Variants in ARHGAP21 observed in about 807,000 individuals in gnomAD.
ARHGAP21 encodes Rho GTPase activating protein 21.
A neutral mutation model predicts 164.6 loss-of-function variants in ARHGAP21; 38 were observed. The observed-to-expected ratio is 0.23, with a 90% CI of 0.18 to 0.30. The LOEUF (loss-of-function observed/expected upper bound fraction) is 0.30. Among genes scored for constraint, ARHGAP21 ranks in the 10% least tolerant of loss-of-function variants. ARHGAP21 has a pLI of 1.00. For missense variants in ARHGAP21, 1,822 were observed against 2,370.7 expected, an observed-to-expected ratio of 0.77 and a Z score of 4.81; for synonymous variants, 766 against 857.9, an observed-to-expected ratio of 0.89 and a Z score of 1.87.
rs1834332985 is a variant in ARHGAP21 at position 24,619,505 on chromosome 10, G to A, written c.2390C>T (p.Pro797Leu). The change falls in exon 9 of 26, where the codon CCT (proline) becomes CTT (leucine). Residue 797 changes from proline to leucine, a missense_variant. Physicochemically the swap from Pro to Leu is moderately conservative, Grantham distance 98. Transcript: ENST00000396432. ...EERKASSTSP[P>L]GDSLASIPFI... ...TGGGATGGAAGCCAAAGAATCGCCA[G>A]GCGGACTGGTACTCGAGGCTTTTCT... The A allele has an allele frequency of 3.1e-6, 5 of 1,614,082 alleles. No individual in the cohort carries two copies. The highest frequency in any genetic ancestry group is 1.3e-5 in the African/African-American group (1 of 75,032).
At chr10:24,594,493 GAAAAACTGAAT>G (rs2076488512) in intron 21 of ARHGAP21, among the ~76,000 whole-genome samples, 1 of 152,050 alleles carries the variant, frequency 6.6e-6, no homozygotes, top group Admixed American at 6.6e-5. Flanking sequence ...TTAAAAAAAA[GAAAAACTGAAT>G]GTGAACTGAA....
chr10:24,693,763 C>T (rs73606547), intron 2 of ARHGAP21, among the ~76,000 whole-genome samples: 2,041 of 152,296 alleles, frequency 0.013, 37 homozygotes, highest in African/African-American at 0.047. Flanking sequence ...AAGCTCACTA[C>T]CCAAGCTCTG....
intron 21 of ARHGAP21, among the ~76,000 whole-genome samples, chr10:24,592,964 T>G (rs1227044661): frequency 6.6e-6 from 1 of 152,172 alleles, no homozygotes; most frequent in African/African-American, 2.4e-5. Context: ...GTATAATAAT[T>G]ATCAGATTGT....
rs1354788160 is a variant in ARHGAP21 at position 24,591,537 on chromosome 10, CGCAAAGCGGACAATA to C, written c.4044+90_4044+104del. ...CTGAGCTAGAGACCTGCTTCCGGGGCGCAAAGCGGACAATAGCAAAGCAGGAAGTTGACATTGTTG... is the reference window on the plus strand; with the variant it reads ...CTGAGCTAGAGACCTGCTTCCGGGGCGCAAAGCAGGAAGTTGACATTGTTG... On this transcript the variant is annotated intron_variant, in intron 23 of 25. Transcript: ENST00000396432. 44 of 1,421,988 alleles carry C rather than the reference CGCAAAGCGGACAATA, an allele frequency of 3.1e-5. No homozygotes were observed. The African/African-American group carries it at 3.1e-4, about 10-fold the overall frequency. 88.1% of individuals were successfully genotyped at this position (1,421,988 alleles called of 1,614,324 possible).
chr10:24,652,828 G>GGTACT (rs1162248680), intron 4 of ARHGAP21, among the ~76,000 whole-genome samples: 1 of 152,080 alleles, frequency 6.6e-6, no homozygotes, highest in Non-Finnish European at 1.5e-5. Flanking sequence ...TGTGTAAATG[G>GGTACT]GTACGGTCCC....
intron 24 of ARHGAP21, chr10:24,590,920 A>G: frequency 5.6e-6 from 5 of 894,544 alleles, no homozygotes; most frequent in Non-Finnish European, 6.7e-6. Flanking sequence ...TGTGATGACT[A>G]TTACATGGAA....
At chr10:24,639,206 T>C (rs1445963150) in intron 4 of ARHGAP21, among the ~76,000 whole-genome samples, 1 of 152,164 alleles carries the variant, frequency 6.6e-6, no homozygotes, top group East Asian at 1.9e-4. Flanking sequence ...TTGCAATATT[T>C]GATACATATT....
intron 2 of ARHGAP21, among the ~76,000 whole-genome samples, chr10:24,705,446 G>C (rs1178025617): frequency 6.6e-6 from 1 of 152,158 alleles, no homozygotes; most frequent in East Asian, 1.9e-4. Flanking sequence ...AGTCTATTAT[G>C]CCCAGCCTAA....
intron 4 of ARHGAP21, among the ~76,000 whole-genome samples, chr10:24,660,317 G>A (rs565749860): frequency 2.8e-5 from 4 of 143,822 alleles, no homozygotes; most frequent in African/African-American, 7.8e-5. Context: ...TCATGAATTT[G>A]AGGCTGCAGT....
At chr10:24,628,838 T>C (rs1201917881) in intron 7 of ARHGAP21, among the ~76,000 whole-genome samples, 3 of 142,436 alleles carry the variant, frequency 2.1e-5, no homozygotes, top group East Asian at 4.0e-4. Flanking sequence ...TATATGTACA[T>C]ATATACACAT....
chr10:24,655,265 C>T (rs1375886864), intron 4 of ARHGAP21, among the ~76,000 whole-genome samples: 2 of 152,108 alleles, frequency 1.3e-5, no homozygotes, highest in Non-Finnish European at 2.9e-5. Context: ...GCAAAATTGA[C>T]AAATGGGATC....
chr10:24,591,150 T>C lies in ARHGAP21; in HGVS notation c.4150+75A>G, dbSNP rs377094607. 45 of 1,250,224 alleles carry C rather than the reference T, an allele frequency of 3.6e-5. No individual in the cohort carries two copies. In the African/African-American group the frequency reaches 4.6e-4, roughly 13 times the overall value. 77.4% of individuals were successfully genotyped at this position (1,250,224 alleles called of 1,614,324 possible). A position where few individuals can be genotyped will look rare whatever the true frequency, so the allele number is the denominator to read the frequency against. On this transcript the variant is annotated intron_variant, in intron 24 of 25. Transcript: ENST00000396432. ...AAAAATCATAAGTAACAATTCACTA[T>C]GATTGATTTGCTCTTTCATATTGTA...
intron 2 of ARHGAP21, among the ~76,000 whole-genome samples, chr10:24,705,031 G>T (rs755500303): frequency 4.9e-4 from 74 of 152,198 alleles, no homozygotes; most frequent in Middle Eastern, 3.4e-3. Flanking sequence ...GATATCGCTG[G>T]CTTACTGGAT....
chr10:24,588,916 G>A (rs1202212006), intron 25 of ARHGAP21, among the ~76,000 whole-genome samples: 1 of 152,162 alleles, frequency 6.6e-6, no homozygotes, highest in Non-Finnish European at 1.5e-5. Flanking sequence ...CAGAGCAAAC[G>A]GAGTCGGCCG....
At chr10:24,707,122 C>CA (rs1303316492) in intron 2 of ARHGAP21, among the ~76,000 whole-genome samples, 1 of 152,210 alleles carries the variant, frequency 6.6e-6, no homozygotes, top group Non-Finnish European at 1.5e-5. Flanking sequence ...ACCACAGTTC[C>CA]AGTCTCTTTG....
At chr10:24,607,960 A>G in intron 9 of ARHGAP21, 57 bp from the exon 10 acceptor site, 1 of 1,484,346 alleles carries the variant, frequency 6.7e-7, no homozygotes, top group Non-Finnish European at 9.1e-7. Flanking sequence ...TTAATAATAA[A>G]ACTCAGTCAA....
At chr10:24,603,921 G>A (rs140123257) in intron 12 of ARHGAP21, among the ~76,000 whole-genome samples, 1,910 of 152,136 alleles carry the variant, frequency 0.013, 6 homozygotes, top group Admixed American at 0.024. Flanking sequence ...GCTTGAACCC[G>A]GGAGGTGGAG....
Position 24,630,032 on chromosome 10 carries a change from A to T in ARHGAP21, c.459T>A (p.Leu153=). ...TGTCTTCATCTTTTGGCATAACACT[A>T]AGTTCCAATGTTGTATCACTGAAAT... The part of the protein sequence containing the change: ...LIQNSDTTLE[L]SVMPKDEDIL... Residue 153 remains leucine (L), a synonymous_variant, in exon 7 of 26, where the codon CTT becomes CTA. Transcript: ENST00000396432. The T allele has an allele frequency of 6.4e-7, 1 of 1,563,900 alleles. No homozygotes were observed. Among genetic ancestry groups the T allele is most frequent in the Non-Finnish European group, 8.7e-7 (1 of 1,152,204 alleles).
At chr10:24,622,977 A>C (rs1021802483) in intron 7 of ARHGAP21, 2 of 492,828 alleles carry the variant, frequency 4.1e-6, no homozygotes, top group African/African-American at 3.9e-5. Flanking sequence ...TTCTTGTTTG[A>C]TGTGTCTACC....
Sources: allele counts gnomAD v4.1 joint callset (sites outside exome capture counted in the v4.1 genomes callset), GRCh38; gene constraint gnomAD v4.1.1; transcripts MANE v1.5; gene names NCBI Gene and HGNC (gene_info 2026-07-23, HGNC 2026-07-21).